COL6A3: variants seen among roughly 807,000 people sequenced by gnomAD.
COL6A3 encodes collagen type VI alpha 3 chain.
COL6A3 carries 137 observed loss-of-function variants against 274.1 expected under a neutral mutation model. The ratio of observed to expected loss-of-function variants is 0.50; its 90% CI spans 0.44 to 0.58. The LOEUF is 0.58. COL6A3 is among the 20% of genes least tolerant of loss of function. The probability of loss-of-function intolerance (pLI) is 0.00; values close to 1 mark genes in which losing one functional copy is unlikely to be tolerated. For synonymous variants in COL6A3, 1,650 were observed against 1,650.6 expected, an observed-to-expected ratio of 1.00 and a Z score of 0.01; for missense variants, 3,950 against 4,124.9, an observed-to-expected ratio of 0.96 and a Z score of 1.16.
At chr2:237,390,851 C>T (rs2078269601) in intron 3 of COL6A3, among the ~76,000 whole-genome samples, 1 of 152,148 alleles carries the variant, frequency 6.6e-6, no homozygotes, top group African/African-American at 2.4e-5. Flanking sequence ...TCCCTGTCAC[C>T]TTTAGCTTTT....
intron 22 of COL6A3, 66 bp downstream of exon 22, chr2:237,357,751 G>A (rs2077349020): frequency 5.3e-6 from 8 of 1,520,336 alleles, no homozygotes; most frequent in Non-Finnish European, 7.3e-6. Flanking sequence ...CTGCTGATGA[G>A]CCGAGAAGTG....
At position 237,361,163 on chromosome 2, in the gene COL6A3, T is replaced by G; in HGVS notation, c.6168A>C (p.Gly2056=). The change falls in exon 16 of 44, where the codon GGA becomes GGC. Residue 2056 remains glycine (G), a synonymous_variant. Transcript: ENST00000295550. This position sits in a 1 kb window ranked among gnomAD's most constrained non-coding sequence, Gnocchi z 5.1. ...CAGGATAGCCTCGGTAGCCGTCTTC[T>G]CCAGGAATACCCTGAAACAAAGTAA... ...IGSIGPKGIP[G]EDGYRGYPGD... The G allele has an allele frequency of 6.2e-7, 1 of 1,614,116 alleles. No homozygotes were observed. Among genetic ancestry groups the G allele is most frequent in the Non-Finnish European group, 8.5e-7 (1 of 1,179,986 alleles).
At chr2:237,339,707 A>T (rs1479053604) in intron 38 of COL6A3, among the ~76,000 whole-genome samples, 1 of 152,204 alleles carries the variant, frequency 6.6e-6, no homozygotes, top group African/African-American at 2.4e-5. Context: ...CATCTGTTCC[A>T]AGCCTTGCCT....
chr2:237,374,310 A>G lies in COL6A3; in HGVS notation c.3679+102T>C. On this transcript the variant is annotated intron_variant, in intron 8 of 43. Coordinates refer to ENST00000295550, the MANE Select transcript of COL6A3 (RefSeq NM_004369.4). This position sits in a 1 kb window ranked among gnomAD's most constrained non-coding sequence, Gnocchi z 4.8. ...CCTGTAATTTTAGTTTTCACTTCAC[A>G]TGGCAGGAAAAGCAAAATTGAGAAC... 1 of 1,545,000 alleles carries G rather than the reference A, an allele frequency of 6.5e-7. No individual in the cohort carries two copies. Among genetic ancestry groups the G allele is most frequent in the Non-Finnish European group, 8.8e-7 (1 of 1,132,746 alleles).
At chr2:237,359,300 AG>A (rs2077384591) in intron 18 of COL6A3, 50 bp from the exon 19 acceptor site, 2 of 1,614,106 alleles carry the variant, frequency 1.2e-6, no homozygotes, top group Non-Finnish European at 1.7e-6. Context: ...ATTCTGGCAA[AG>A]GAAGAAATGA....
chr2:237,342,395 C>T (rs192008567), intron 36 of COL6A3: 2 of 549,108 alleles, frequency 3.6e-6, no homozygotes, highest in East Asian at 6.2e-5. Context: ...AAATGGGTTT[C>T]AGTTTTTTTC....
chr2:237,387,674 C>G lies in COL6A3; in HGVS notation c.1220G>C (p.Ser407Thr), dbSNP rs1237887928. 6.2e-7 allele frequency: 1 copy of G among 1,613,826 alleles called. No individual in the cohort carries two copies. Residue 407 changes from serine to threonine, a missense_variant, in exon 4 of 44, where the codon AGC (serine) becomes ACC (threonine). Around this residue, in one of 5 missense-constraint regions of COL6A3, gnomAD observed 1,934 missense variants for 1,984.3 expected, o/e 0.97. Transcript: ENST00000295550. ...NLVFTVPEFR[S>T]FGDLQEKLLP... ...TAATTTCTCCTGGAGGTCCCCAAAGCTACGGAATTCCGGGACAGTAAACAC... is the reference window on the plus strand; with the variant it reads ...TAATTTCTCCTGGAGGTCCCCAAAGGTACGGAATTCCGGGACAGTAAACAC...
In COL6A3 at chr2:237,375,086, G is replaced by A. The variant is rs112276553; in HGVS notation, c.3071-66C>T. The A allele has an allele frequency of 1.6e-3, 2,624 of 1,603,010 alleles. 3 individuals are homozygous for A. The highest frequency in any genetic ancestry group is 3.6e-3 in the Middle Eastern group (22 of 6,056). ...AGCAGCAATTTCATATCAACGAGGT[G>A]GGCTGCATAAGAGCATCACAGGGAT... is the stretch of plus-strand genomic sequence containing the variant. On this transcript the variant is annotated intron_variant, in intron 7 of 43. Transcript: ENST00000295550.
At position 237,396,796 on chromosome 2, in the gene COL6A3, G is replaced by C. The variant is rs144189491; in HGVS notation, c.22C>G (p.Pro8Ala). 6.8e-6 allele frequency: 11 copies of C among 1,614,046 alleles called. No homozygotes were observed. The African/African-American group carries it at 1.2e-4, about 18-fold the overall frequency. The change falls in exon 2 of 44, where the codon CCC (proline) becomes GCC (alanine). Residue 8 changes from proline to alanine, a missense_variant. Coordinates refer to ENST00000295550, the MANE Select transcript of COL6A3 (RefSeq NM_004369.4). MRKHRHL[P>A]LVAVFCLFLS... Reference sequence around the variant, plus strand: ...AAGAGGCAAAAGACGGCCACTAAGGGCAAGTGCCGATGTTTCCTCATTTTG... The same window carrying C: ...AAGAGGCAAAAGACGGCCACTAAGGCCAAGTGCCGATGTTTCCTCATTTTG...
At chr2:237,377,803 A>T (rs566378951) in intron 6 of COL6A3, among the ~76,000 whole-genome samples, 1 of 152,308 alleles carries the variant, frequency 6.6e-6, no homozygotes, top group South Asian at 2.1e-4. Context: ...CTGGGTTGCC[A>T]TGAATCTGCT....
chr2:237,413,124 C>T lies in COL6A3; in HGVS notation c.-31+829G>A, dbSNP rs531881657. On this transcript the variant is annotated intron_variant, in intron 1 of 43. Transcript: ENST00000295550. The surrounding 1 kb of genome is among the most constrained non-coding windows in gnomAD (Gnocchi z 4.0). ...CCTCAGCAAGAGAGGGCCCGAGCCC[C>T]ACCCTGCATCCTCCGGGCCAGAGAA... Among the ~76,000 whole-genome samples, 1 of 152,358 alleles carries T rather than the reference C, an allele frequency of 6.6e-6. No individual in the cohort carries two copies. The highest frequency in any genetic ancestry group is 1.9e-4 in the East Asian group (1 of 5,178).
chr2:237,411,375 T>G (rs1214665944), intron 1 of COL6A3, among the ~76,000 whole-genome samples: 1 of 152,228 alleles, frequency 6.6e-6, no homozygotes, highest in African/African-American at 2.4e-5. Context: ...GGAGGTGATA[T>G]CAACCGCTGG....
intron 23 of COL6A3, chr2:237,355,797 G>C (rs1276617373): frequency 6.6e-6 from 1 of 152,226 alleles, no homozygotes; most frequent in East Asian, 1.9e-4. Flanking sequence ...ACCTGCTTCA[G>C]CGGAAGATCT....
At chr2:237,325,763 A>ATGCGTG (rs1412496912) in intron 42 of COL6A3, 39 bp from the exon 43 acceptor site, 1 of 1,581,442 alleles carries the variant, frequency 6.3e-7, no homozygotes, top group Non-Finnish European at 8.6e-7. Flanking sequence ...TAATGAGAAC[A>ATGCGTG]TGCGTGTTAC....
At chr2:237,345,565 G>A (rs542423044) in intron 32 of COL6A3, among the ~76,000 whole-genome samples, 14 of 152,132 alleles carry the variant, frequency 9.2e-5, no homozygotes, top group Admixed American at 5.9e-4. Context: ...GTCCCCTGCC[G>A]AAGGGGCAGT....
intron 6 of COL6A3, among the ~76,000 whole-genome samples, chr2:237,377,869 T>C (rs1296794991): frequency 6.6e-6 from 1 of 152,204 alleles, no homozygotes; most frequent in Non-Finnish European, 1.5e-5. Context: ...CCCACAATAG[T>C]GCCCATTACT....
At chr2:237,412,894 G>A (rs1186714750) in intron 1 of COL6A3, among the ~76,000 whole-genome samples, 1 of 152,146 alleles carries the variant, frequency 6.6e-6, no homozygotes, top group African/African-American at 2.4e-5. Context: ...ACTCCCCTGT[G>A]CTCAGAGGGG....
chr2:237,388,104 A>G lies in COL6A3; in HGVS notation c.790T>C (p.Phe264Leu). Residue 264 changes from phenylalanine (F) to leucine (L), a missense_variant, in exon 4 of 44, where the codon TTC becomes CTC. Phe to Leu is a conservative substitution (Grantham distance 22). Transcript: ENST00000295550. ...GSVNFAVILD[F>L]LVNLLEKLPI... is the part of the protein sequence containing the mutation. ...AGTTTCTCAAGGAGATTTACAAGGA[A>G]GTCGAGAATGACTGCGAAATTGACA... The G allele has an allele frequency of 6.2e-7, 1 of 1,614,252 alleles. No individual in the cohort carries two copies. The highest frequency in any genetic ancestry group is 8.5e-7 in the Non-Finnish European group (1 of 1,180,050).
Position 237,376,783 on chromosome 2 carries a change from G to A in COL6A3, c.3059C>T (p.Ala1020Val). 1 of 1,614,168 alleles carries A rather than the reference G, an allele frequency of 6.2e-7. No individual in the cohort carries two copies. The highest frequency in any genetic ancestry group is 2.2e-5 in the East Asian group (1 of 44,880). ...TTTCTCTACCATACCTGGTGCTGGT[G>A]CTCCGTTGTGCACTGATTTTAAGAG... ...VNLLKSVHNG[A>V]PAPVSGEKDV... Residue 1020 changes from alanine to valine, a missense_variant, in exon 7 of 44, where the codon GCA becomes GTA. Ala to Val is a moderately conservative substitution (Grantham distance 64, BLOSUM62 0). Coordinates refer to ENST00000295550, the MANE Select transcript of COL6A3 (RefSeq NM_004369.4).
Sources: allele counts gnomAD v4.1 joint callset (sites outside exome capture counted in the v4.1 genomes callset), GRCh38; gene constraint gnomAD v4.1.1; regional missense constraint gnomAD v4.1.1; non-coding constraint Gnocchi (gnomAD v3.1); transcripts MANE v1.5; gene names NCBI Gene and HGNC (gene_info 2026-07-23, HGNC 2026-07-21).